The following CDK14 variants were observed in gnomAD, a reference collection of about 807,000 sequenced individuals.
CDK14 encodes the protein cyclin dependent kinase 14.
CDK14 carries 34 observed loss-of-function variants against 60.7 expected under a neutral mutation model. The observed-to-expected ratio is 0.56, with a 90% CI of 0.43 to 0.75. CDK14 has a LOEUF of 0.75. Ranked by LOEUF, CDK14 falls within the 30% of genes least tolerant of loss-of-function variation. CDK14 has a pLI of 0.00. For missense variants in CDK14, 482 were observed against 564.1 expected (o/e 0.85, Z 1.47); for synonymous variants, 197 against 203.7 (o/e 0.97, Z 0.28).
intron 6 of CDK14, among the ~76,000 whole-genome samples, chr7:90,886,349 A>G (rs1291191697): frequency 1.3e-5 from 2 of 152,214 alleles, no homozygotes; most frequent in Admixed American, 6.5e-5. Context: ...TTTGTTTTGA[A>G]GTAAATATTG....
chr7:90,743,392 T>C (rs193061155), intron 3 of CDK14, among the ~76,000 whole-genome samples: 2 of 152,286 alleles, frequency 1.3e-5, no homozygotes, highest in Admixed American at 1.3e-4. Flanking sequence ...AAAAAGCAAC[T>C]TGAAATGTTT....
chr7:91,007,161 GC>G (rs1316262483), intron 10 of CDK14, among the ~76,000 whole-genome samples: 3 of 152,110 alleles, frequency 2.0e-5, no homozygotes, highest in Non-Finnish European at 2.9e-5. Context: ...AGTGATACAT[GC>G]ACCCTCCCAT....
intron 3 of CDK14, among the ~76,000 whole-genome samples, chr7:90,729,090 G>A (rs962161618): frequency 7.9e-5 from 12 of 151,016 alleles, no homozygotes; most frequent in Non-Finnish European, 1.3e-4. Flanking sequence ...ACTCTGCCTG[G>A]TATCCAAGCC....
At chr7:90,924,848 A>G (rs949587181) in intron 8 of CDK14, among the ~76,000 whole-genome samples, 2 of 152,054 alleles carry the variant, frequency 1.3e-5, no homozygotes, top group African/African-American at 2.4e-5. Flanking sequence ...GAAATAGTAC[A>G]TATTTATGCA....
intron 8 of CDK14, among the ~76,000 whole-genome samples, chr7:90,919,646 A>G (rs1376302131): frequency 2.6e-5 from 4 of 152,180 alleles, no homozygotes; most frequent in East Asian, 3.8e-4. Context: ...AAATAGAAAT[A>G]TACTATTTTG....
At position 91,208,131 on chromosome 7, in the gene CDK14, CA is replaced by C. The variant is rs1802957099; in HGVS notation, c.*998del. On this transcript the variant is annotated 3_prime_UTR_variant, in exon 15 of 15. Coordinates refer to ENST00000380050, the MANE Select transcript of CDK14 (RefSeq NM_001287135.2). ...CAGTTCAAAGTTTGCTTAGTTACAACAAAGCACCTTTAAAAAAAATACATTT... is the reference window on the plus strand; with the variant it reads ...CAGTTCAAAGTTTGCTTAGTTACAACAAGCACCTTTAAAAAAAATACATTT... 1 of 152,602 alleles carries C rather than the reference CA, an allele frequency of 6.6e-6. No individual in the cohort carries two copies. The highest frequency in any genetic ancestry group is 2.4e-5 in the African/African-American group (1 of 41,516). The allele number at this position is 152,602 out of a possible 1,614,324, so 9.5% of individuals were successfully genotyped here.
At position 91,112,651 on chromosome 7, in the gene CDK14, C is replaced by G. The variant is rs1424766137; in HGVS notation, c.1264C>G (p.Leu422Val). ...AALSHEYFSDLPPRLWELTDM... is the reference protein window; with the variant it reads ...AALSHEYFSDVPPRLWELTDM... ...CTTGAGCCACGAGTATTTTAGTGACCTGCCGCCACGGCTATGGGAACTCAC... is the reference window on the plus strand; with the variant it reads ...CTTGAGCCACGAGTATTTTAGTGACGTGCCGCCACGGCTATGGGAACTCAC... The change falls in exon 13 of 15, where the codon CTG (leucine) becomes GTG (valine). Residue 422 changes from leucine to valine, a missense_variant. By Grantham distance (32) the Leu-to-Val change is conservative. Transcript: ENST00000380050. The G allele has an allele frequency of 6.2e-7, 1 of 1,613,676 alleles. No homozygotes were observed. Among genetic ancestry groups the G allele is most frequent in the Non-Finnish European group, 8.5e-7 (1 of 1,179,846 alleles).
At chr7:90,732,260 T>A (rs756447875) in intron 3 of CDK14, among the ~76,000 whole-genome samples, 11 of 152,232 alleles carry the variant, frequency 7.2e-5, no homozygotes, top group Non-Finnish European at 1.6e-4. Flanking sequence ...TATTGAGAAT[T>A]TTCTCATCCA....
intron 10 of CDK14, among the ~76,000 whole-genome samples, chr7:91,015,264 T>G (rs937481995): frequency 6.6e-6 from 1 of 152,130 alleles, no homozygotes; most frequent in African/African-American, 2.4e-5. Context: ...ATTAACTCCT[T>G]CCTCAAGACA....
intron 12 of CDK14, among the ~76,000 whole-genome samples, chr7:91,089,342 T>A (rs754375212): frequency 9.2e-5 from 14 of 152,176 alleles, no homozygotes; most frequent in Non-Finnish European, 1.9e-4. Flanking sequence ...TATAATTTCT[T>A]ATATGTCTGT....
In CDK14 at chr7:90,621,647, T is replaced by TCCTGCCTTCCTGCCTTCCTG. The variant is rs763125461; in HGVS notation, c.123+17401_123+17402insGCCTTCCTGCCTTCCTGCCT. On this transcript the variant is annotated intron_variant, in intron 2 of 14. Transcript: ENST00000380050. The stretch of plus-strand genomic sequence containing the variant: ...TTCCTTCCTTCCTTCCTTCCTTCCT[T>TCCTGCCTTCCTGCCTTCCTG]CCTTCCTTCCTTCCTTCCTTCCTGC... 1.8e-3 allele frequency among the ~76,000 whole-genome samples: 129 copies of TCCTGCCTTCCTGCCTTCCTG among 72,774 alleles called. 1 individual carries two copies. The highest frequency in any genetic ancestry group is 6.0e-3 in the African/African-American group (106 of 17,576). The allele number at this position is 72,774 out of a possible 152,430, so 47.7% of individuals were successfully genotyped here.
chr7:91,008,142 AAAACAAAC>A lies in CDK14; in HGVS notation c.1041+23905_1041+23912del, dbSNP rs1257873852. Among the ~76,000 whole-genome samples, 93 of 141,324 alleles carry A rather than the reference AAAACAAAC, an allele frequency of 6.6e-4. 5 individuals carry two copies. Among genetic ancestry groups the A allele is most frequent in the African/African-American group, 7.7e-4 (29 of 37,504 alleles). 92.7% of individuals were successfully genotyped at this position (141,324 alleles called of 152,430 possible). On this transcript the variant is annotated intron_variant, in intron 10 of 14. Transcript: ENST00000380050. ...GGGAGAAGGCCAAAAAAAAAAAAAA[AAAACAAAC>A]AAAAAAAAACAGTGGATGGTGGAGG...
intron 2 of CDK14, among the ~76,000 whole-genome samples, chr7:90,649,410 TTTCTTTCTTTCC>T (rs1800572507): frequency 1.2e-5 from 1 of 84,640 alleles, no homozygotes; most frequent in African/African-American, 4.8e-5. Flanking sequence ...TCTTTCTTTC[TTTCTTTCTTTCC>T]TTCTTTCTTT....
chr7:90,753,888 A>G (rs1198538889), intron 4 of CDK14, among the ~76,000 whole-genome samples: 2 of 152,202 alleles, frequency 1.3e-5, no homozygotes, highest in African/African-American at 4.8e-5. Context: ...CAATAGCCAC[A>G]AAAAATTAAA....
chr7:90,843,109 C>T (rs1703805834), intron 5 of CDK14, among the ~76,000 whole-genome samples: 1 of 152,160 alleles, frequency 6.6e-6, no homozygotes, highest in African/African-American at 2.4e-5. Flanking sequence ...CTTAAATTTA[C>T]ATTTTCTTCA....
chr7:90,746,646 T>C (rs1018232492), intron 3 of CDK14, among the ~76,000 whole-genome samples: 1 of 152,224 alleles, frequency 6.6e-6, no homozygotes, highest in African/African-American at 2.4e-5. Context: ...TCATGTCTTA[T>C]TGAAATAGAA....
chr7:90,622,585 T>G (rs1036701931), intron 2 of CDK14, among the ~76,000 whole-genome samples: 35 of 152,316 alleles, frequency 2.3e-4, no homozygotes, highest in African/African-American at 7.9e-4. Flanking sequence ...TTAAAAGCAT[T>G]TGAGATTGCA....
intron 2 of CDK14, among the ~76,000 whole-genome samples, chr7:90,668,292 G>A (rs910223297): frequency 2.0e-5 from 3 of 152,088 alleles, no homozygotes; most frequent in Non-Finnish European, 1.5e-5. Flanking sequence ...TTTCATTGGG[G>A]TATTAGCTAT....
At chr7:90,994,577 T>TTTGTAGG (rs1344441574) in intron 10 of CDK14, among the ~76,000 whole-genome samples, 2 of 152,228 alleles carry the variant, frequency 1.3e-5, no homozygotes, top group East Asian at 3.9e-4. Context: ...CAAGTCGAGC[T>TTTGTAGG]GATAAACAGC....
Sources: gnomAD v4.1 joint callset for allele counts (sites outside exome capture counted in the v4.1 genomes callset) on GRCh38, gnomAD v4.1.1 for gene constraint, MANE v1.5 for transcripts, NCBI Gene and HGNC (gene_info 2026-07-23, HGNC 2026-07-21) for gene names.